Variants in PRKCE observed in about 807,000 individuals in gnomAD.
PRKCE encodes the protein protein kinase C epsilon.
A neutral mutation model predicts 85.4 loss-of-function variants in PRKCE; 16 were observed. That is an observed-to-expected ratio of 0.19 (90% CI 0.13 to 0.28). The LOEUF (loss-of-function observed/expected upper bound fraction) is 0.28. PRKCE is among the 10% of genes least tolerant of loss of function. PRKCE has a pLI of 1.00. For synonymous variants in PRKCE, 388 were observed against 371.5 expected (o/e 1.04, Z -0.51); for missense variants, 573 against 975.2 (o/e 0.59, Z 5.49).
intron 1 of PRKCE, among the ~76,000 whole-genome samples, chr2:45,717,855 T>C (rs1680272515): frequency 6.6e-6 from 1 of 152,196 alleles, no homozygotes; most frequent in Non-Finnish European, 1.5e-5. Flanking sequence ...TAGAGGATGC[T>C]CCAGTATCAC....
intron 10 of PRKCE, among the ~76,000 whole-genome samples, chr2:46,042,613 C>CT (rs1708279290): frequency 1.3e-5 from 2 of 152,214 alleles, no homozygotes; most frequent in Non-Finnish European, 2.9e-5. Context: ...CCTCTTGGTC[C>CT]TTCTACTTAA....
At chr2:45,856,153 A>G (rs945888213) in intron 2 of PRKCE, among the ~76,000 whole-genome samples, 2 of 152,156 alleles carry the variant, frequency 1.3e-5, no homozygotes, top group African/African-American at 2.4e-5. Context: ...TGGGGTTTCA[A>G]TGCATGTGTA....
chr2:46,123,220 T>TTTC lies in PRKCE; in HGVS notation c.1593-21871_1593-21870insCTT, dbSNP rs1169818348. 3.4e-5 allele frequency among the ~76,000 whole-genome samples: 4 copies of TTTC among 117,648 alleles called. No individual in the cohort carries two copies. The East Asian group carries it at 8.4e-4, about 25-fold the overall frequency. 77.2% of individuals were successfully genotyped at this position (117,648 alleles called of 152,430 possible). On this transcript the variant is annotated intron_variant, in intron 11 of 14. Transcript: ENST00000306156. ...TACAAAGGAAAACACTTGCCTTTTT[T>TTTC]TTTTTTTTTTTTTTTTTTTTTTTGG...
At chr2:46,018,589 C>T (rs910454027) in intron 10 of PRKCE, among the ~76,000 whole-genome samples, 2 of 152,094 alleles carry the variant, frequency 1.3e-5, no homozygotes, top group African/African-American at 4.8e-5. Flanking sequence ...GTGTTTTAAT[C>T]ACAAAGATTA....
At chr2:45,731,585 C>T (rs1267079917) in intron 1 of PRKCE, among the ~76,000 whole-genome samples, 2 of 150,760 alleles carry the variant, frequency 1.3e-5, no homozygotes, top group African/African-American at 2.4e-5. Context: ...GAAACCTAAG[C>T]CTGAAAACCA....
At chr2:45,790,464 T>C (rs1439115865) in intron 1 of PRKCE, among the ~76,000 whole-genome samples, 1 of 152,194 alleles carries the variant, frequency 6.6e-6, no homozygotes, top group Non-Finnish European at 1.5e-5. Context: ...TATCAGAGCG[T>C]AGAGCAAGTT....
chr2:45,744,485 CTTTTTCTTTCTTTCTT>C lies in PRKCE; in HGVS notation c.348+92040_348+92055del, dbSNP rs1558623828. On this transcript the variant is annotated intron_variant, in intron 1 of 14. Coordinates refer to ENST00000306156, the MANE Select transcript of PRKCE (RefSeq NM_005400.3). ...TCTTTCTTTCTTTCTTTCTTTCTTT[CTTTTTCTTTCTTTCTT>C]TTCTTTCTTTCTTTCTTTCTTTCTT... Among the ~76,000 whole-genome samples the C allele has an allele frequency of 7.9e-3, 214 of 27,056 alleles. 10 individuals carry two copies. The highest frequency in any genetic ancestry group is 0.017 in the African/African-American group (148 of 8,952). The allele number at this position is 27,056 out of a possible 152,430, so 17.7% of individuals were successfully genotyped here. A position where few individuals can be genotyped will look rare whatever the true frequency, so the allele number is the denominator to read the frequency against.
intron 10 of PRKCE, chr2:46,077,988 T>G (rs936487200): frequency 6.6e-6 from 1 of 152,186 alleles, no homozygotes; most frequent in Non-Finnish European, 1.5e-5. Flanking sequence ...CATTCAGAAA[T>G]GGGGAAATAA....
At chr2:45,964,568 A>T (rs1427373714) in intron 2 of PRKCE, among the ~76,000 whole-genome samples, 1 of 152,240 alleles carries the variant, frequency 6.6e-6, no homozygotes. Flanking sequence ...AGCATGCAGT[A>T]AAGTTCCACC....
chr2:45,900,055 T>C (rs538979406), intron 2 of PRKCE, among the ~76,000 whole-genome samples: 2 of 152,304 alleles, frequency 1.3e-5, no homozygotes, highest in East Asian at 3.9e-4. Flanking sequence ...AGCTAATCTA[T>C]AACAGATTTA....
intron 1 of PRKCE, among the ~76,000 whole-genome samples, chr2:45,727,036 T>A (rs548806047): frequency 2.6e-5 from 4 of 152,348 alleles, no homozygotes; most frequent in Admixed American, 1.3e-4. Context: ...TTTTTATTAA[T>A]AGACCTGCCA....
intron 6 of PRKCE, among the ~76,000 whole-genome samples, chr2:45,995,000 G>T (rs890225854): frequency 6.6e-6 from 1 of 152,090 alleles, no homozygotes; most frequent in Non-Finnish European, 1.5e-5. Flanking sequence ...GGTGTGTAGT[G>T]GTATCTCATT....
At chr2:45,908,582 T>A (rs1270122154) in intron 2 of PRKCE, among the ~76,000 whole-genome samples, 3 of 152,194 alleles carry the variant, frequency 2.0e-5, no homozygotes, top group African/African-American at 7.2e-5. Context: ...TGCTGCTGTT[T>A]GTGGACCTCA....
chr2:46,040,746 C>T (rs528246357), intron 10 of PRKCE, among the ~76,000 whole-genome samples: 2 of 152,292 alleles, frequency 1.3e-5, no homozygotes, highest in South Asian at 4.1e-4. Flanking sequence ...CTGTTTATGA[C>T]ACAGAGTTAA....
At chr2:45,667,682 T>C (rs1675978876) in intron 1 of PRKCE, among the ~76,000 whole-genome samples, 1 of 152,192 alleles carries the variant, frequency 6.6e-6, no homozygotes, top group Non-Finnish European at 1.5e-5. Flanking sequence ...GTTATGTTTA[T>C]TTTTTAGAGC....
At chr2:45,732,750 T>G (rs1027821165) in intron 1 of PRKCE, among the ~76,000 whole-genome samples, 4 of 152,226 alleles carry the variant, frequency 2.6e-5, no homozygotes, top group Non-Finnish European at 5.9e-5. Flanking sequence ...TTTATCTGTC[T>G]CTTTCACTAT....
chr2:46,089,090 C>T (rs576039979), intron 11 of PRKCE, among the ~76,000 whole-genome samples: 1 of 152,332 alleles, frequency 6.6e-6, no homozygotes, highest in Admixed American at 6.5e-5. Flanking sequence ...GAGCCATTCT[C>T]TTCTCCCCAC....
At chr2:45,668,197 C>T (rs1406648803) in intron 1 of PRKCE, among the ~76,000 whole-genome samples, 2 of 151,942 alleles carry the variant, frequency 1.3e-5, no homozygotes, top group Non-Finnish European at 2.9e-5. Context: ...AAAAATTAGC[C>T]GGGGATGGTG....
intron 6 of PRKCE, among the ~76,000 whole-genome samples, chr2:45,990,014 G>T (rs1386061877): frequency 6.6e-6 from 1 of 152,150 alleles, no homozygotes; most frequent in Non-Finnish European, 1.5e-5. Flanking sequence ...CACACACTGC[G>T]TTAGAGTCTA....
Sources: allele counts gnomAD v4.1 joint callset (sites outside exome capture counted in the v4.1 genomes callset), GRCh38; gene constraint gnomAD v4.1.1; transcripts MANE v1.5; gene names NCBI Gene and HGNC (gene_info 2026-07-23, HGNC 2026-07-21).